Variants in ATG5 observed in about 807,000 individuals in gnomAD.
ATG5 encodes the protein autophagy protein 5.
ATG5 carries 14 observed loss-of-function variants against 36.5 expected under a neutral mutation model. That is an observed-to-expected ratio of 0.38 (90% confidence interval 0.25 to 0.60). The LOEUF (loss-of-function observed/expected upper bound fraction) is 0.60, where lower values mean the gene tolerates loss of function less well. ATG5 is among the 20% of genes least tolerant of loss of function. The pLI is 0.60. For synonymous variants in ATG5, 95 were observed against 101.5 expected, an observed-to-expected ratio of 0.94 and a Z score of 0.38; for missense variants, 195 against 326.7, an observed-to-expected ratio of 0.60 and a Z score of 3.11.
chr6:106,248,055 G>A (rs980498752), intron 6 of ATG5, 95 bp downstream of exon 6: 1 of 929,982 alleles, frequency 1.1e-6, no homozygotes. Flanking sequence ...ATACCGTTTA[G>A]TTACTATGCA....
intron 7 of ATG5, among the ~76,000 whole-genome samples, chr6:106,187,762 A>G (rs529694476): frequency 2.0e-5 from 3 of 152,192 alleles, no homozygotes; most frequent in African/African-American, 4.8e-5. Context: ...GTATGGTGAT[A>G]ATGACTTGGC....
chr6:106,270,074 T>C (rs1307689193), intron 5 of ATG5, among the ~76,000 whole-genome samples: 3 of 152,258 alleles, frequency 2.0e-5, no homozygotes, highest in African/African-American at 7.2e-5. Flanking sequence ...TAGAAGGCTA[T>C]AGTCCAAATT....
rs1304122587 is a variant in ATG5 at position 106,325,716 on chromosome 6, T to G, written c.-249A>C. Reference sequence around the variant, plus strand: ...CGCGGAGGTCGGAGCTGAACCCTGCTGCACTTCCGCCCTCTGGTATCCAGC... The same window carrying G: ...CGCGGAGGTCGGAGCTGAACCCTGCGGCACTTCCGCCCTCTGGTATCCAGC... On this transcript the variant is annotated 5_prime_UTR_variant, in exon 1 of 8. Coordinates refer to ENST00000369076, the MANE Select transcript of ATG5 (RefSeq NM_004849.4). 1 of 152,872 alleles carries G rather than the reference T, an allele frequency of 6.5e-6. No homozygotes were observed. 9.5% of individuals were successfully genotyped at this position (152,872 alleles called of 1,614,324 possible).
At chr6:106,201,896 T>TTATA (rs1776444552) in intron 7 of ATG5, 76 bp downstream of exon 7, 2 of 1,114,620 alleles carry the variant, frequency 1.8e-6, no homozygotes, top group Admixed American at 2.1e-5. Context: ...AACCTGTTGT[T>TTATA]TATAAATGTG....
rs530692588 is a variant in ATG5 at position 106,254,103 on chromosome 6, C to T, written c.479-5859G>A. On this transcript the variant is annotated intron_variant, in intron 5 of 7. Transcript: ENST00000369076. Reference sequence around the variant, plus strand: ...TTTTCTTTTCGGTCCCTAGTAAATACCAAACTTGCTCCCATTTCAGTTTTA... The same window carrying T: ...TTTTCTTTTCGGTCCCTAGTAAATATCAAACTTGCTCCCATTTCAGTTTTA... Among the ~76,000 whole-genome samples the T allele has an allele frequency of 2.6e-5, 4 of 152,250 alleles. No individual in the cohort carries two copies. In the South Asian group the frequency reaches 8.3e-4, roughly 32 times the overall value.
intron 6 of ATG5, among the ~76,000 whole-genome samples, chr6:106,204,772 G>T (rs1225158845): frequency 6.6e-6 from 1 of 152,170 alleles, no homozygotes; most frequent in Admixed American, 6.5e-5. Flanking sequence ...GCCCCCACAA[G>T]CCATACGGAA....
chr6:106,221,087 G>A (rs1279198381), intron 6 of ATG5, among the ~76,000 whole-genome samples: 2 of 152,168 alleles, frequency 1.3e-5, no homozygotes, highest in Non-Finnish European at 2.9e-5. Context: ...TGGGAGGACT[G>A]AAATCAATCA....
chr6:106,191,236 A>G (rs567986982), intron 7 of ATG5, among the ~76,000 whole-genome samples: 24 of 152,312 alleles, frequency 1.6e-4, no homozygotes, highest in Middle Eastern at 3.4e-3. Flanking sequence ...TTATGATCAT[A>G]CCAGTGTAGA....
Position 106,308,493 on chromosome 6 carries a change from T to G in ATG5, c.109-2A>C. On this transcript the variant is annotated splice_acceptor_variant, in intron 2 of 7. Coordinates refer to ENST00000369076, the MANE Select transcript of ATG5 (RefSeq NM_004849.4). LOFTEE classifies it high-confidence loss of function. ...ATAACTTACTCTTGGCAAAAGCAACTGAAATGAAAATTTGTAAAACCGTAT... is the reference window on the plus strand; with the variant it reads ...ATAACTTACTCTTGGCAAAAGCAACGGAAATGAAAATTTGTAAAACCGTAT... The G allele has an allele frequency of 6.5e-7, 1 of 1,548,504 alleles. No individual in the cohort carries two copies. The highest frequency in any genetic ancestry group is 8.7e-7 in the Non-Finnish European group (1 of 1,150,782).
At chr6:106,277,727 T>A (rs1307010604) in intron 5 of ATG5, among the ~76,000 whole-genome samples, 6 of 152,188 alleles carry the variant, frequency 3.9e-5, no homozygotes. Flanking sequence ...GACATGATAA[T>A]CGCTTGAACC....
At chr6:106,303,967 C>T (rs573384110) in intron 3 of ATG5, among the ~76,000 whole-genome samples, 370 of 142,708 alleles carry the variant, frequency 2.6e-3, no homozygotes, top group Non-Finnish European at 4.5e-3. Flanking sequence ...CTAGCTACTC[C>T]AATAAGGAAA....
At chr6:106,210,805 G>C (rs1211867900) in intron 6 of ATG5, among the ~76,000 whole-genome samples, 1 of 152,056 alleles carries the variant, frequency 6.6e-6, no homozygotes, top group Non-Finnish European at 1.5e-5. Flanking sequence ...TTTTGTGAAG[G>C]TTATACAATT....
intron 6 of ATG5, among the ~76,000 whole-genome samples, chr6:106,226,352 TTC>T (rs1166435819): frequency 3.3e-5 from 5 of 152,196 alleles, no homozygotes; most frequent in Non-Finnish European, 5.9e-5. Context: ...TCCAGAGTTA[TTC>T]TGTTATACTA....
chr6:106,239,231 A>G (rs1778015675), intron 6 of ATG5, among the ~76,000 whole-genome samples: 1 of 152,160 alleles, frequency 6.6e-6, no homozygotes, highest in Non-Finnish European at 1.5e-5. Flanking sequence ...AAATAACTAG[A>G]AATGGAAACA....
chr6:106,311,037 C>T (rs1380133395), intron 2 of ATG5, among the ~76,000 whole-genome samples: 5 of 152,238 alleles, frequency 3.3e-5, no homozygotes, highest in African/African-American at 4.8e-5. Flanking sequence ...ATATGGAATA[C>T]TTATGTTTCC....
intron 7 of ATG5, among the ~76,000 whole-genome samples, chr6:106,187,595 T>G (rs540868452): frequency 5.3e-5 from 8 of 152,286 alleles, no homozygotes; most frequent in African/African-American, 1.9e-4. Flanking sequence ...ATACAATGTC[T>G]AAACCTCTCA....
intron 6 of ATG5, among the ~76,000 whole-genome samples, chr6:106,221,246 A>C (rs1033471269): frequency 3.3e-5 from 5 of 152,234 alleles, no homozygotes; most frequent in African/African-American, 1.2e-4. Context: ...GTAGACTTAC[A>C]TTTTGTAATA....
chr6:106,205,356 T>C, intron 6 of ATG5, among the ~76,000 whole-genome samples: 1 of 152,224 alleles, frequency 6.6e-6, no homozygotes, highest in Non-Finnish European at 1.5e-5. Flanking sequence ...GGAGCTCTCA[T>C]TCATATCCTA....
intron 4 of ATG5, among the ~76,000 whole-genome samples, chr6:106,290,356 T>C (rs971731301): frequency 6.6e-5 from 10 of 151,970 alleles, no homozygotes; most frequent in South Asian, 6.2e-4. Flanking sequence ...AGTTTTGCCC[T>C]GTCACCCAGG....
Sources: gnomAD v4.1 joint callset for allele counts (sites outside exome capture counted in the v4.1 genomes callset) on GRCh38, gnomAD v4.1.1 for gene constraint, MANE v1.5 for transcripts, NCBI Gene and HGNC (gene_info 2026-07-23, HGNC 2026-07-21) for gene names.